Variants in SGCZ observed in about 807,000 individuals in gnomAD.
SGCZ encodes the protein zeta-sarcoglycan.
In SGCZ, 40 loss-of-function variants were observed where a neutral mutation model predicts 41.3. The observed-to-expected ratio is 0.97, with a 90% CI of 0.75 to 1.26. The LOEUF (loss-of-function observed/expected upper bound fraction) is 1.26. Ranked by LOEUF, SGCZ falls within the 50% of genes most tolerant of loss-of-function variation. SGCZ has a pLI of 0.00. For missense variants in SGCZ, 552 were observed against 369.8 expected (o/e 1.49, Z -4.04); for synonymous variants, 206 against 137.5 (o/e 1.50, Z -3.49).
At chr8:15,170,956 G>T (rs1228461638) in intron 1 of SGCZ, among the ~76,000 whole-genome samples, 1 of 152,212 alleles carries the variant, frequency 6.6e-6, no homozygotes, top group African/African-American at 2.4e-5. Context: ...TGATTTGGTA[G>T]CTGTGTGTAT....
chr8:14,236,907 T>C (rs960835006), intron 4 of SGCZ, among the ~76,000 whole-genome samples: 5 of 151,728 alleles, frequency 3.3e-5, no homozygotes, highest in Non-Finnish European at 7.4e-5. Flanking sequence ...GAGAAAAAAA[T>C]TAATACTTCA....
At chr8:15,007,900 T>A (rs1452000907) in intron 1 of SGCZ, among the ~76,000 whole-genome samples, 1 of 152,228 alleles carries the variant, frequency 6.6e-6, no homozygotes, top group East Asian at 1.9e-4. Context: ...ATGAAATTTT[T>A]AAAATTAGTT....
chr8:14,239,878 GGC>G (rs1798800733), intron 3 of SGCZ, among the ~76,000 whole-genome samples: 2 of 110,810 alleles, frequency 1.8e-5, no homozygotes. Flanking sequence ...CTCCAGCCTG[GGC>G]GACAGAGCGA....
chr8:14,285,769 G>A (rs188950487), intron 3 of SGCZ, among the ~76,000 whole-genome samples: 8 of 152,140 alleles, frequency 5.3e-5, no homozygotes, highest in African/African-American at 1.9e-4. Flanking sequence ...GTTAGTGTAC[G>A]AGAAACAAAT....
At chr8:14,422,912 C>A (rs1799673390) in intron 2 of SGCZ, among the ~76,000 whole-genome samples, 1 of 151,982 alleles carries the variant, frequency 6.6e-6, no homozygotes, top group South Asian at 2.1e-4. Flanking sequence ...CATTTAGTCC[C>A]AGCCACTTCA....
intron 2 of SGCZ, among the ~76,000 whole-genome samples, chr8:14,346,364 AC>A (rs1802891687): frequency 2.6e-5 from 4 of 152,068 alleles, no homozygotes; most frequent in Admixed American, 2.6e-4. Flanking sequence ...TTATATAGGA[AC>A]AAAACATTCT....
At chr8:14,905,760 A>C (rs1039846711) in intron 1 of SGCZ, among the ~76,000 whole-genome samples, 3 of 152,054 alleles carry the variant, frequency 2.0e-5, no homozygotes, top group African/African-American at 4.8e-5. Flanking sequence ...GCAGCAGCAT[A>C]GACAGACACT....
intron 1 of SGCZ, among the ~76,000 whole-genome samples, chr8:14,726,697 A>G (rs564340239): frequency 6.6e-6 from 1 of 152,234 alleles, no homozygotes; most frequent in South Asian, 2.1e-4. Flanking sequence ...AACAACTTGA[A>G]AAGTGACACA....
chr8:14,893,625 T>A (rs1005111696), intron 1 of SGCZ, among the ~76,000 whole-genome samples: 4 of 152,170 alleles, frequency 2.6e-5, no homozygotes, highest in Non-Finnish European at 5.9e-5. Context: ...TAAAGCTTTA[T>A]AAATAATGCT....
chr8:14,281,905 C>T (rs755875201), intron 3 of SGCZ, among the ~76,000 whole-genome samples: 1 of 151,808 alleles, frequency 6.6e-6, no homozygotes, highest in Non-Finnish European at 1.5e-5. Flanking sequence ...GTGCCTCAAA[C>T]GATAATTATT....
chr8:14,227,033 T>G (rs528909580), intron 4 of SGCZ, among the ~76,000 whole-genome samples: 150 of 152,138 alleles, frequency 9.9e-4, no homozygotes, highest in African/African-American at 3.5e-3. Context: ...GCTGATAGAT[T>G]TACTGATTCA....
chr8:14,965,217 A>T (rs935177574), intron 1 of SGCZ, among the ~76,000 whole-genome samples: 2 of 152,086 alleles, frequency 1.3e-5, no homozygotes, highest in African/African-American at 4.8e-5. Flanking sequence ...CTGATTATGA[A>T]TCTAACTTGT....
chr8:14,593,659 A>G (rs1293067459), intron 1 of SGCZ, among the ~76,000 whole-genome samples: 3 of 152,218 alleles, frequency 2.0e-5, no homozygotes, highest in Non-Finnish European at 4.4e-5. Context: ...AATCTACACA[A>G]TGTAAATGAA....
intron 4 of SGCZ, among the ~76,000 whole-genome samples, chr8:14,222,224 G>C (rs932169714): frequency 1.3e-5 from 2 of 152,006 alleles, no homozygotes; most frequent in Non-Finnish European, 2.9e-5. Context: ...AGGCTGGAGT[G>C]CAGTGGCGCA....
chr8:14,585,387 C>T (rs1805024340), intron 1 of SGCZ, among the ~76,000 whole-genome samples: 1 of 152,124 alleles, frequency 6.6e-6, no homozygotes, highest in East Asian at 1.9e-4. Flanking sequence ...CTTTGTAGTT[C>T]TGAAAATAAT....
At chr8:14,554,536 G>A (rs1169982761) in intron 2 of SGCZ, among the ~76,000 whole-genome samples, 196 bp downstream of exon 2, 1 of 151,922 alleles carries the variant, frequency 6.6e-6, no homozygotes, top group Non-Finnish European at 1.5e-5. Context: ...TTAAATGGCA[G>A]GTAGTAATAG....
At chr8:14,376,692 T>C (rs1804144406) in intron 2 of SGCZ, among the ~76,000 whole-genome samples, 1 of 152,072 alleles carries the variant, frequency 6.6e-6, no homozygotes, top group Non-Finnish European at 1.5e-5. Flanking sequence ...AAACACATAA[T>C]ATGAATATCT....
Position 14,517,574 on chromosome 8 carries a change from T to A in SGCZ, c.234+37158A>T, listed in dbSNP as rs1057483221. On this transcript the variant is annotated intron_variant, in intron 2 of 7. Coordinates refer to ENST00000382080, the MANE Select transcript of SGCZ (RefSeq NM_139167.4). ...TGCTTTAGTTTTCTTATATGCCAGA[T>A]AAATTAAGAAGCTTTATATTTTTTA... Among the ~76,000 whole-genome samples the A allele has an allele frequency of 2.6e-5, 4 of 152,182 alleles. No individual in the cohort carries two copies. The East Asian group carries it at 5.8e-4, about 22-fold the overall frequency.
chr8:14,126,550 G>C (rs1419065130), intron 5 of SGCZ, among the ~76,000 whole-genome samples: 1 of 152,210 alleles, frequency 6.6e-6, no homozygotes, highest in Non-Finnish European at 1.5e-5. Flanking sequence ...ATGAAAATTA[G>C]TGTAACAATT....
Sources: allele counts gnomAD v4.1 joint callset (sites outside exome capture counted in the v4.1 genomes callset), GRCh38; gene constraint gnomAD v4.1.1; transcripts MANE v1.5; gene names NCBI Gene and HGNC (gene_info 2026-07-23, HGNC 2026-07-21).